Variants in COX7B2 observed in about 807,000 individuals in gnomAD.
The protein encoded by COX7B2 is cytochrome c oxidase subunit 7B2, mitochondrial.
For missense variants in COX7B2, 109 were observed against 95.9 expected, an observed-to-expected ratio of 1.14 and a Z score of -0.57; for synonymous variants, 37 against 32.1, an observed-to-expected ratio of 1.15 and a Z score of -0.51.
chr4:46,881,824 T>C (rs1291071438), intron 1 of COX7B2, among the ~76,000 whole-genome samples: 2 of 152,166 alleles, frequency 1.3e-5, no homozygotes, highest in South Asian at 2.1e-4. Flanking sequence ...CCTTTCACAG[T>C]TGTCTTCTGC....
At chr4:46,887,323 T>A (rs10008793) in intron 1 of COX7B2, among the ~76,000 whole-genome samples, 92,010 of 151,982 alleles carry the variant, frequency 0.61, 27,973 homozygotes, top group East Asian at 0.76. Flanking sequence ...AACAGAAAAA[T>A]ATTACCACAT....
intron 2 of COX7B2, among the ~76,000 whole-genome samples, chr4:46,836,639 T>C (rs909411047): frequency 5.9e-5 from 9 of 151,878 alleles, no homozygotes; most frequent in Non-Finnish European, 7.4e-5. Context: ...ATAAAAAACA[T>C]AGTAGAGTGA....
chr4:46,789,424 T>C (rs1308758143), intron 2 of COX7B2, among the ~76,000 whole-genome samples: 2 of 152,194 alleles, frequency 1.3e-5, no homozygotes, highest in Non-Finnish European at 2.9e-5. Context: ...TTAAATCTTG[T>C]CTAGGAATAT....
intron 2 of COX7B2, among the ~76,000 whole-genome samples, chr4:46,738,678 A>T (rs1007201379): frequency 1.3e-5 from 2 of 152,132 alleles, no homozygotes; most frequent in African/African-American, 2.4e-5. Flanking sequence ...AACTAAAGCT[A>T]CAGGTTCTAA....
At chr4:46,738,914 G>A (rs532339282) in intron 2 of COX7B2, among the ~76,000 whole-genome samples, 1 of 152,180 alleles carries the variant, frequency 6.6e-6, no homozygotes, top group African/African-American at 2.4e-5. Context: ...CATTGAAGTT[G>A]AAAGACTGAT....
At chr4:46,842,544 C>G (rs1716000396) in intron 2 of COX7B2, among the ~76,000 whole-genome samples, 1 of 151,906 alleles carries the variant, frequency 6.6e-6, no homozygotes, top group Non-Finnish European at 1.5e-5. Flanking sequence ...AATGCTATCC[C>G]TCCCCACTCC....
intron 2 of COX7B2, among the ~76,000 whole-genome samples, chr4:46,783,512 T>C (rs1245827427): frequency 1.3e-5 from 2 of 152,172 alleles, no homozygotes; most frequent in Non-Finnish European, 1.5e-5. Context: ...ACTTGCCCTA[T>C]TCTGACATTT....
chr4:46,861,427 T>C (rs1717329475), intron 1 of COX7B2, among the ~76,000 whole-genome samples: 1 of 152,102 alleles, frequency 6.6e-6, no homozygotes, highest in Admixed American at 6.6e-5. Context: ...CTGTGTCTGG[T>C]AGAGAACCTT....
chr4:46,794,135 C>G (rs1478445713), intron 2 of COX7B2, among the ~76,000 whole-genome samples: 1 of 152,162 alleles, frequency 6.6e-6, no homozygotes, highest in Non-Finnish European at 1.5e-5. Context: ...ATGTTACACT[C>G]TGAAACAACT....
intron 2 of COX7B2, among the ~76,000 whole-genome samples, chr4:46,804,786 G>C (rs973984919): frequency 2.0e-5 from 3 of 152,238 alleles, no homozygotes; most frequent in East Asian, 1.9e-4. Context: ...TCCCCTACCG[G>C]GGCCGCAGGT....
chr4:46,751,156 C>G (rs929374611), intron 2 of COX7B2, among the ~76,000 whole-genome samples: 1 of 151,920 alleles, frequency 6.6e-6, no homozygotes, highest in African/African-American at 2.4e-5. Context: ...AGTTTTGTTG[C>G]TTCTCACTTC....
intron 1 of COX7B2, among the ~76,000 whole-genome samples, chr4:46,888,650 G>A (rs940280187): frequency 6.6e-6 from 1 of 152,022 alleles, no homozygotes; most frequent in African/African-American, 2.4e-5. Context: ...GTTTCACCAT[G>A]TTAGTCAGGA....
intron 1 of COX7B2, among the ~76,000 whole-genome samples, chr4:46,850,440 G>T (rs1285375825): frequency 6.6e-6 from 1 of 151,952 alleles, no homozygotes; most frequent in Non-Finnish European, 1.5e-5. Flanking sequence ...AAAGCAGACT[G>T]CTAAATGAAC....
At chr4:46,839,254 C>A (rs1441267671) in intron 2 of COX7B2, among the ~76,000 whole-genome samples, 1 of 151,916 alleles carries the variant, frequency 6.6e-6, no homozygotes, top group Non-Finnish European at 1.5e-5. Context: ...ATGTCTCTGT[C>A]CATTAACTAA....
At chr4:46,764,811 G>T (rs2109491619) in intron 2 of COX7B2, among the ~76,000 whole-genome samples, 1 of 150,632 alleles carries the variant, frequency 6.6e-6, no homozygotes, top group Non-Finnish European at 1.5e-5. Flanking sequence ...CTCTGTAATA[G>T]ATACACCAAA....
intron 1 of COX7B2, among the ~76,000 whole-genome samples, chr4:46,862,042 C>G (rs527548416): frequency 8.5e-5 from 13 of 152,316 alleles, no homozygotes; most frequent in Admixed American, 6.5e-4. Flanking sequence ...GCAGCAGACA[C>G]TCAGCATCAG....
chr4:46,773,650 G>A (rs1271286917), intron 2 of COX7B2, among the ~76,000 whole-genome samples: 1 of 152,100 alleles, frequency 6.6e-6, no homozygotes, highest in African/African-American at 2.4e-5. Context: ...TGGTGAAGTA[G>A]CAAAATCATG....
At chr4:46,867,661 GCCA>G (rs1717750589) in intron 1 of COX7B2, among the ~76,000 whole-genome samples, 1 of 152,188 alleles carries the variant, frequency 6.6e-6, no homozygotes, top group Admixed American at 6.5e-5. Context: ...CAGCCACTCT[GCCA>G]TACATGGCCA....
At chr4:46,777,889 C>A (rs769622881) in intron 2 of COX7B2, among the ~76,000 whole-genome samples, 1 of 151,980 alleles carries the variant, frequency 6.6e-6, no homozygotes, top group African/African-American at 2.4e-5. Flanking sequence ...ACAGATGGAC[C>A]AAATAACATG....
Sources: gnomAD v4.1 joint callset for allele counts (sites outside exome capture counted in the v4.1 genomes callset) on GRCh38, gnomAD v4.1.1 for gene constraint, MANE v1.5 for transcripts, NCBI Gene and HGNC (gene_info 2026-07-23, HGNC 2026-07-21) for gene names.